The following MLLT3 variants were observed in gnomAD, a reference collection of about 807,000 sequenced individuals.
MLLT3 encodes the protein MLLT3 super elongation complex subunit.
In MLLT3, 4 loss-of-function variants were observed where a neutral mutation model predicts 53.2. The observed-to-expected ratio is 0.08, with a 90% CI of 0.04 to 0.17. The LOEUF is 0.17. Ranked by LOEUF, MLLT3 falls within the 10% of genes least tolerant of loss-of-function variation. The pLI, the probability that MLLT3 is intolerant of heterozygous loss-of-function variation, is 1.00. For synonymous variants in MLLT3, 283 were observed against 230.6 expected, an observed-to-expected ratio of 1.23 and a Z score of -2.06; for missense variants, 569 against 684.0, an observed-to-expected ratio of 0.83 and a Z score of 1.87.
At chr9:20,607,424 T>A (rs1397613756) in intron 2 of MLLT3, among the ~76,000 whole-genome samples, 1 of 152,082 alleles carries the variant, frequency 6.6e-6, no homozygotes, top group African/African-American at 2.4e-5. Context: ...TCAATCACAT[T>A]TAGAATTCTC....
At chr9:20,461,228 C>T (rs939786326) in intron 2 of MLLT3, among the ~76,000 whole-genome samples, 2 of 152,030 alleles carry the variant, frequency 1.3e-5, no homozygotes, top group African/African-American at 4.8e-5. Context: ...TGCATTTTTC[C>T]CTGAAATGTC....
intron 2 of MLLT3, among the ~76,000 whole-genome samples, chr9:20,477,511 C>A (rs1016882766): frequency 5.3e-5 from 8 of 152,114 alleles, no homozygotes; most frequent in Admixed American, 3.9e-4. Context: ...AGCTGACAAC[C>A]TATCACCTTT....
chr9:20,547,593 G>A (rs185267423), intron 2 of MLLT3, among the ~76,000 whole-genome samples: 2,141 of 145,990 alleles, frequency 0.015, 65 homozygotes, highest in African/African-American at 0.049. Context: ...GCAGTGAGCC[G>A]AGATCGCACC....
At chr9:20,500,570 G>T (rs571290635) in intron 2 of MLLT3, among the ~76,000 whole-genome samples, 36 of 152,282 alleles carry the variant, frequency 2.4e-4, no homozygotes, top group African/African-American at 8.4e-4. Flanking sequence ...AATTCAATTT[G>T]CCCCAGAATA....
intron 2 of MLLT3, among the ~76,000 whole-genome samples, chr9:20,529,032 T>A (rs1460844182): frequency 6.6e-6 from 1 of 152,226 alleles, no homozygotes; most frequent in East Asian, 1.9e-4. Flanking sequence ...ATGCTACAGA[T>A]GTCTATTAGT....
intron 2 of MLLT3, among the ~76,000 whole-genome samples, chr9:20,502,093 A>AGGGGGG (rs66552889): frequency 2.2e-5 from 2 of 88,898 alleles, no homozygotes; most frequent in African/African-American, 7.6e-5. Flanking sequence ...AAAAAAAAAA[A>AGGGGGG]GGGGGGGGGG....
chr9:20,586,845 A>G (rs1563831477), intron 2 of MLLT3, among the ~76,000 whole-genome samples: 1 of 152,194 alleles, frequency 6.6e-6, no homozygotes, highest in South Asian at 2.1e-4. Context: ...AGCAAAAATA[A>G]GAGTAAGAAA....
At chr9:20,381,371 G>A (rs183693664) in intron 5 of MLLT3, among the ~76,000 whole-genome samples, 24 of 151,900 alleles carry the variant, frequency 1.6e-4, no homozygotes, top group East Asian at 9.6e-4. Context: ...GAATGTGCAC[G>A]CTTTCCGATA....
intron 4 of MLLT3, among the ~76,000 whole-genome samples, chr9:20,433,300 A>C (rs1456741257): frequency 6.6e-6 from 1 of 152,208 alleles, no homozygotes; most frequent in Non-Finnish European, 1.5e-5. Flanking sequence ...CCACTGGCCA[A>C]GTCAGGAAAA....
At chr9:20,363,659 G>A in intron 6 of MLLT3, 54 bp from the exon 7 acceptor site, 1 of 1,576,888 alleles carries the variant, frequency 6.3e-7, no homozygotes, top group Admixed American at 1.7e-5. Flanking sequence ...AACACACTTA[G>A]CCATATTAGA....
chr9:20,511,815 T>C (rs1817755948), intron 2 of MLLT3, among the ~76,000 whole-genome samples: 1 of 152,078 alleles, frequency 6.6e-6, no homozygotes, highest in African/African-American at 2.4e-5. Context: ...CAAGTAAAGC[T>C]TAGAAGAGGA....
At chr9:20,350,531 C>G (rs943682462) in intron 10 of MLLT3, among the ~76,000 whole-genome samples, 15 of 144,608 alleles carry the variant, frequency 1.0e-4, no homozygotes, top group African/African-American at 4.1e-4. Context: ...GGAGGCGGAG[C>G]TTGCAGTGAG....
intron 2 of MLLT3, among the ~76,000 whole-genome samples, chr9:20,465,048 A>C (rs370332097): frequency 6.6e-6 from 1 of 152,020 alleles, no homozygotes; most frequent in East Asian, 1.9e-4. Context: ...TTTCTTTTTC[A>C]ATCTGTCCCT....
At chr9:20,509,873 T>A (rs115922693) in intron 2 of MLLT3, among the ~76,000 whole-genome samples, 44 of 135,778 alleles carry the variant, frequency 3.2e-4, no homozygotes, top group Middle Eastern at 3.8e-3. Context: ...ACAATTATTA[T>A]TTTTTTTTTT....
At chr9:20,523,195 C>T (rs1419531485) in intron 2 of MLLT3, among the ~76,000 whole-genome samples, 1 of 152,098 alleles carries the variant, frequency 6.6e-6, no homozygotes, top group East Asian at 1.9e-4. Context: ...ATTAGAATAG[C>T]CAAATTCCAG....
At chr9:20,522,908 G>A (rs1001932151) in intron 2 of MLLT3, among the ~76,000 whole-genome samples, 1 of 152,040 alleles carries the variant, frequency 6.6e-6, no homozygotes, top group Non-Finnish European at 1.5e-5. Flanking sequence ...GCTTCAGTGA[G>A]ACGTGATTGT....
At chr9:20,523,968 C>G (rs117153691) in intron 2 of MLLT3, among the ~76,000 whole-genome samples, 4,712 of 146,354 alleles carry the variant, frequency 0.032, 104 homozygotes, top group Non-Finnish European at 0.042. Context: ...CAGAACCCAT[C>G]TCAAAAAAAA....
chr9:20,598,512 G>A (rs1820333828), intron 2 of MLLT3, among the ~76,000 whole-genome samples: 1 of 152,132 alleles, frequency 6.6e-6, no homozygotes. Flanking sequence ...CTCAAAAATG[G>A]CTTTAGTTTT....
intron 2 of MLLT3, among the ~76,000 whole-genome samples, chr9:20,530,265 G>A (rs1323770349): frequency 6.6e-6 from 1 of 152,170 alleles, no homozygotes; most frequent in Non-Finnish European, 1.5e-5. Context: ...GATTTTCATT[G>A]TTACCCTTAC....
Sources: gnomAD v4.1 joint callset for allele counts (sites outside exome capture counted in the v4.1 genomes callset) on GRCh38, gnomAD v4.1.1 for gene constraint, MANE v1.5 for transcripts, NCBI Gene and HGNC (gene_info 2026-07-23, HGNC 2026-07-21) for gene names.